The following PREX1 variants were observed in gnomAD, a reference collection of about 807,000 sequenced individuals.
PREX1 encodes phosphatidylinositol-3,4,5-trisphosphate dependent Rac exchange factor 1.
A neutral mutation model predicts 198.3 loss-of-function variants in PREX1; 41 were observed. The observed-to-expected ratio is 0.21, with a 90% CI of 0.16 to 0.27. The LOEUF (loss-of-function observed/expected upper bound fraction) is 0.27. Among genes scored for constraint, PREX1 ranks in the 10% least tolerant of loss-of-function variants. PREX1 has a pLI of 1.00. For synonymous variants in PREX1, 843 were observed against 887.2 expected, an observed-to-expected ratio of 0.95 and a Z score of 0.89; for missense variants, 1,620 against 2,200.7, an observed-to-expected ratio of 0.74 and a Z score of 5.28.
At chr20:48,845,031 C>T in the PREX1 span, among the ~76,000 whole-genome samples, 1 of 152,212 alleles carries the variant, frequency 6.6e-6, no homozygotes, top group Non-Finnish European at 1.5e-5. Context: ...CTTTTATTCA[C>T]TAGATAAATG....
In PREX1 at chr20:48,681,265, C is replaced by T. The variant is rs1477107766; in HGVS notation, c.1405G>A (p.Ala469Thr). The T allele has an allele frequency of 6.2e-6, 10 of 1,614,210 alleles. No individual in the cohort carries two copies. Among genetic ancestry groups the T allele is most frequent in the Non-Finnish European group, 8.5e-6 (10 of 1,180,038 alleles). The change falls in exon 11 of 40, where the codon GCC (alanine) becomes ACC (threonine). Residue 469 changes from alanine to threonine, a missense_variant. Around this residue, in one of 7 missense-constraint regions of PREX1, gnomAD observed 488 missense variants for 802.5 expected, o/e 0.61. Coordinates refer to ENST00000371941, the MANE Select transcript of PREX1 (RefSeq NM_020820.4). ...KTEEGVNLGQ[A>T]LLENGIIHHV... Reference sequence around the variant, plus strand: ...TGGATGATGCCATTCTCCAACAGGGCTTGGCCCAAGTTGACTCCTTCTTCC... The same window carrying T: ...TGGATGATGCCATTCTCCAACAGGGTTTGGCCCAAGTTGACTCCTTCTTCC...
At position 48,700,978 on chromosome 20, in the gene PREX1, A is replaced by G. The variant is rs112633834; in HGVS notation, c.784-92T>C. On this transcript the variant is annotated intron_variant, in intron 6 of 39. Transcript: ENST00000371941. ...AGAACCTACTACCACCTCCTGCCAC[A>G]TGCCAAAAACTCCACCAGCAAGTCT... The G allele has an allele frequency of 2.6e-6, 4 of 1,555,726 alleles. 1 individual carries two copies. The South Asian group carries it at 3.4e-5, about 13-fold the overall frequency.
intron 2 of PREX1, among the ~76,000 whole-genome samples, chr20:48,746,993 CACACACACACACACACA>C (rs1601110952): frequency 2.6e-4 from 34 of 128,324 alleles, no homozygotes; most frequent in East Asian, 2.0e-3. Flanking sequence ...CACACACACA[CACACACACACACACACA>C]CCCCACCCCC....
intron 9 of PREX1, among the ~76,000 whole-genome samples, chr20:48,689,928 T>A (rs1226762668): frequency 6.6e-6 from 1 of 152,042 alleles, no homozygotes; most frequent in Non-Finnish European, 1.5e-5. Flanking sequence ...AGCGGATGGG[T>A]GTGACATATA....
chr20:48,674,213 C>T (rs1295083783), intron 14 of PREX1, among the ~76,000 whole-genome samples: 2 of 152,202 alleles, frequency 1.3e-5, no homozygotes. Context: ...TATTAAAATG[C>T]ACCCATATTT....
chr20:48,815,202 C>A (rs1347179600), intron 1 of PREX1, among the ~76,000 whole-genome samples: 1 of 152,150 alleles, frequency 6.6e-6, no homozygotes, highest in Non-Finnish European at 1.5e-5. Context: ...ACTTCCAGAG[C>A]CTTCTCTCAA....
rs1225899176 is a variant in PREX1, at chr20:48,639,874, A to G, written c.3796T>C (p.Cys1266Arg). Residue 1266 changes from cysteine to arginine, a missense_variant, in exon 30 of 40, where the codon TGT becomes CGT. Transcript: ENST00000371941. ...SLQEFKQKEE[C>R]TIRGRSLIQI... ...ATCAGGCTCCGGCCACGGATTGTAC[A>G]CTCTTCTTTCTGTTTAAACTCTGGG... 2 of 1,613,276 alleles carry G rather than the reference A, an allele frequency of 1.2e-6. No individual in the cohort carries two copies. The highest frequency in any genetic ancestry group is 2.2e-5 in the South Asian group (2 of 91,044).
the PREX1 span, among the ~76,000 whole-genome samples, chr20:48,860,171 A>T: frequency 6.6e-6 from 1 of 152,254 alleles, no homozygotes; most frequent in Non-Finnish European, 1.5e-5. Context: ...TGGCATCTAC[A>T]TGCAGTGAAA....
At chr20:48,634,222 G>A (rs2089343415) in intron 33 of PREX1, among the ~76,000 whole-genome samples, 1 of 152,056 alleles carries the variant, frequency 6.6e-6, no homozygotes, top group African/African-American at 2.4e-5. Context: ...GTGGGCAGGT[G>A]GAAGGATGGG....
Position 48,759,565 on chromosome 20 carries a change from A to AAAAG in PREX1, c.220-11689_220-11686dup, listed in dbSNP as rs1555842234. 1.5e-3 allele frequency among the ~76,000 whole-genome samples: 226 copies of AAAAG among 146,750 alleles called. 1 individual carries two copies. Among genetic ancestry groups the AAAAG allele is most frequent in the African/African-American group, 5.3e-3 (218 of 40,870 alleles). ...ATTCCATCTCAAAAAAAAAAAAAAA[A>AAAAG]AAAGAAAAGAAAGAAAAAAAGAAAT... On this transcript the variant is annotated intron_variant, in intron 1 of 39. Transcript: ENST00000371941.
chr20:48,824,910 C>A (rs568358285), intron 1 of PREX1, among the ~76,000 whole-genome samples: 1 of 152,248 alleles, frequency 6.6e-6, no homozygotes, highest in East Asian at 1.9e-4. Context: ...ACACGGAGAC[C>A]AGGGTGGTCC....
At chr20:48,849,716 C>T in the PREX1 span, among the ~76,000 whole-genome samples, 1 of 152,236 alleles carries the variant, frequency 6.6e-6, no homozygotes, top group Admixed American at 6.5e-5. Flanking sequence ...ATGTCTTTTA[C>T]ATCCCTCTGT....
intron 17 of PREX1, 48 bp downstream of exon 17, chr20:48,658,088 G>T: frequency 6.4e-7 from 1 of 1,560,464 alleles, no homozygotes. Context: ...GAGACACCCC[G>T]CTCTGCCACC....
the PREX1 span, among the ~76,000 whole-genome samples, chr20:48,846,409 C>G: frequency 6.6e-6 from 1 of 152,170 alleles, no homozygotes; most frequent in Non-Finnish European, 1.5e-5. Context: ...GCTTGGTGGT[C>G]TCCCAGCCCA....
At chr20:48,746,243 G>A (rs930536189) in intron 2 of PREX1, among the ~76,000 whole-genome samples, 4 of 152,084 alleles carry the variant, frequency 2.6e-5, no homozygotes, top group Admixed American at 1.3e-4. Flanking sequence ...GGCTGGTTTC[G>A]AACTCCTGAG....
chr20:48,675,568 T>C (rs1194069976), intron 14 of PREX1, among the ~76,000 whole-genome samples: 1 of 152,050 alleles, frequency 6.6e-6, no homozygotes, highest in Non-Finnish European at 1.5e-5. Context: ...ACTAGAGTAG[T>C]CAAGTTCATA....
chr20:48,877,342 TG>T, the PREX1 span, among the ~76,000 whole-genome samples: 1 of 152,000 alleles, frequency 6.6e-6, no homozygotes, highest in African/African-American at 2.4e-5. Flanking sequence ...AGGTCTAGAA[TG>T]ACTTCAGGCA....
intron 13 of PREX1, among the ~76,000 whole-genome samples, chr20:48,677,731 T>C (rs1198809075): frequency 1.3e-5 from 2 of 152,240 alleles, no homozygotes; most frequent in African/African-American, 4.8e-5. Context: ...ACACCTGTAA[T>C]CCCAGCACTC....
intron 32 of PREX1, 100 bp from the exon 33 acceptor site, chr20:48,634,875 G>A: frequency 1.0e-6 from 1 of 1,004,606 alleles, no homozygotes; most frequent in Non-Finnish European, 1.5e-6. Flanking sequence ...ACTCCACACT[G>A]TGGGCCCCCT....
Sources: gnomAD v4.1 joint callset for allele counts (sites outside exome capture counted in the v4.1 genomes callset) on GRCh38, gnomAD v4.1.1 for gene constraint, gnomAD v4.1.1 regional missense constraint, MANE v1.5 for transcripts, NCBI Gene and HGNC (gene_info 2026-07-23, HGNC 2026-07-21) for gene names.